Variants in SPIN3 observed in about 807,000 individuals in gnomAD.
The protein encoded by SPIN3 is spindlin-3.
For missense variants in SPIN3, 176 were observed against 196.4 expected, an observed-to-expected ratio of 0.90 and a Z score of 0.62; for synonymous variants, 74 against 74.3, an observed-to-expected ratio of 1.00 and a Z score of 0.02.
rs755344545 is a variant in SPIN3 at position 56,994,807 on chromosome X, C to A, written c.141G>T (p.Gly47=). ...HRSRPTSQPR[G]NIVGCRIQHG... Reference sequence around the variant, plus strand: ...GCTGAATTCTGCAGCCCACGATGTTCCCCCGAGGCTGGGAGGTGGGTCGGC... The same window carrying A: ...GCTGAATTCTGCAGCCCACGATGTTACCCCGAGGCTGGGAGGTGGGTCGGC... Residue 47 remains glycine, a synonymous_variant, in exon 2 of 2, where the codon GGG becomes GGT. Coordinates refer to ENST00000374919, the MANE Select transcript of SPIN3 (RefSeq NM_001010862.3). 8.3e-7 allele frequency: 1 copy of A among 1,211,678 alleles called. No homozygotes were observed. The highest frequency in any genetic ancestry group is 1.8e-5 in the South Asian group (1 of 56,949).
chrX:56,986,548 T>C (rs187239767), downstream of SPIN3, among the ~76,000 whole-genome samples: 9 of 112,084 alleles, frequency 8.0e-5, no homozygotes, highest in Non-Finnish European at 1.5e-4. Context: ...CAGTATCCTG[T>C]GCAGATTAAG....
intron 5 of SPIN3, chrX:56,977,590 G>A (rs1289962785): frequency 8.9e-6 from 1 of 111,993 alleles, no homozygotes; most frequent in Non-Finnish European, 1.9e-5. Flanking sequence ...ATGTGTACAT[G>A]CATGCATAAA....
chrX:56,980,163 C>G (rs1924084097), intron 3 of SPIN3: 1 of 111,476 alleles, frequency 9.0e-6, no homozygotes, highest in African/African-American at 3.3e-5. Flanking sequence ...CCCTATGACC[C>G]AGCAATTCTA....
rs1361249426 is a variant in SPIN3 at position 56,994,981 on chromosome X, C to A, written c.-2-32G>T. The A allele has an allele frequency of 2.7e-6, 3 of 1,131,570 alleles. No individual in the cohort carries two copies. In the African/African-American group the frequency reaches 5.5e-5, roughly 21 times the overall value. The allele number at this position is 1,131,570 out of a possible 1,213,427, so 93.3% of individuals were successfully genotyped here. A position where few individuals can be genotyped will look rare whatever the true frequency, so the allele number is the denominator to read the frequency against. On this transcript the variant is annotated intron_variant, in intron 1 of 1. Transcript: ENST00000374919. ...AGAGGAGCACAGTTGCCAGGTGGACCGAGAAAGGAAATTAACAAAATCAAT... is the reference window on the plus strand; with the variant it reads ...AGAGGAGCACAGTTGCCAGGTGGACAGAGAAAGGAAATTAACAAAATCAAT...
Position 56,994,270 on chromosome X carries a change from G to A in SPIN3, c.678C>T (p.Gly226=). The change falls in exon 2 of 2, where the codon GGC becomes GGT. Residue 226 remains glycine, a synonymous_variant. Coordinates refer to ENST00000374919, the MANE Select transcript of SPIN3 (RefSeq NM_001010862.3). ...TTGCTTCTACCTGATGAATGACCAT[G>A]CCAGTTCTCTTGGAGCCATCGTCTT... ...YAKDDGSKRT[G]MVIHQVEAKP... The A allele has an allele frequency of 8.3e-7, 1 of 1,211,839 alleles. No homozygotes were observed. Among genetic ancestry groups the A allele is most frequent in the Non-Finnish European group, 1.1e-6 (1 of 895,553 alleles).
chrX:56,985,737 G>C lies in SPIN3; in HGVS notation c.226-1259C>G, dbSNP rs775131327. Among the ~76,000 whole-genome samples the C allele has an allele frequency of 4.4e-3, 487 of 111,784 alleles. 2 individuals carry two copies. Among genetic ancestry groups the C allele is most frequent in the Middle Eastern group, 9.2e-3 (2 of 217 alleles). ...TCTTTACAATGCCTTATATTATTTA[G>C]ACCCTTATTTCCTCTCTGACTTCTC... On this transcript the variant is annotated intron_variant and NMD_transcript_variant, in intron 2 of 5. Coordinates refer to the SPIN3 transcript ENST00000475785.
At chrX:56,982,904 C>T (rs1235487056) in intron 3 of SPIN3, 1 of 111,719 alleles carries the variant, frequency 9.0e-6, no homozygotes, top group Non-Finnish European at 1.9e-5. Context: ...AACCAAGAGA[C>T]TTGAAACAAC....
At chrX:56,975,269 A>G (rs903720743), downstream of SPIN3, 1 of 112,146 alleles carries the variant, frequency 8.9e-6, no homozygotes. Context: ...ATTTAAATAC[A>G]TTTAAGATAC....
Position 56,992,371 on chromosome X carries a change from T to A in SPIN3, c.*1800A>T, listed in dbSNP as rs775909715. ...TCCCCAGCCACTAGAACAGTTTTTT[T>A]AAGCAAATATATGACCCCAGGACTT... On this transcript the variant is annotated 3_prime_UTR_variant, in exon 2 of 2. Coordinates refer to ENST00000374919, the MANE Select transcript of SPIN3 (RefSeq NM_001010862.3). 14 of 295,653 alleles carry A rather than the reference T, an allele frequency of 4.7e-5. No individual in the cohort carries two copies. Among genetic ancestry groups the A allele is most frequent in the African/African-American group, 3.6e-4 (13 of 36,481 alleles). 24.4% of individuals were successfully genotyped at this position (295,653 alleles called of 1,213,427 possible).
intron 2 of SPIN3, among the ~76,000 whole-genome samples, chrX:56,984,845 C>A (rs966589124): frequency 2.7e-5 from 3 of 111,429 alleles, no homozygotes; most frequent in African/African-American, 9.8e-5. Context: ...CTCATATATC[C>A]AATAACTGTT....
rs1924444061 is a variant in SPIN3 at position 56,994,728 on chromosome X, C to T, written c.220G>A (p.Asp74Asn). ...AGAGAGGGATTTACAGGTACCTGAT[C>T]CAGAACGGTTCCTTTCCACTGTGTT... ...PLTQWKGTVL[D>N]QVPVNPSLYL... The change falls in exon 2 of 2, where the codon GAT becomes AAT. Residue 74 changes from aspartate to asparagine, a missense_variant. Asp to Asn is a conservative substitution (Grantham distance 23). Transcript: ENST00000374919. 8.3e-7 allele frequency: 1 copy of T among 1,210,019 alleles called. No homozygotes were observed. The highest frequency in any genetic ancestry group is 2.2e-5 in the Admixed American group (1 of 45,794).
downstream of SPIN3, among the ~76,000 whole-genome samples, chrX:56,988,510 C>T (rs1255985314): frequency 9.0e-6 from 1 of 111,278 alleles, no homozygotes; most frequent in Admixed American, 9.6e-5. Context: ...GCCCCAGGTC[C>T]CTTCCCAAGA....
chrX:56,989,320 A>G (rs1924284008), downstream of SPIN3, among the ~76,000 whole-genome samples: 1 of 111,412 alleles, frequency 9.0e-6, no homozygotes, highest in African/African-American at 3.3e-5. Context: ...AATTTATCAC[A>G]CCTACATGTG....
At chrX:56,984,336 G>C in exon 3 of SPIN3, 1 of 287,991 alleles carries the variant, frequency 3.5e-6, no homozygotes, top group Non-Finnish European at 6.6e-6. Flanking sequence ...AAACCATATT[G>C]TCCCTCAAAA....
In SPIN3 at chrX:56,992,510, A is replaced by T. The variant is rs1036488955; in HGVS notation, c.*1661T>A. 1.0e-5 allele frequency: 3 copies of T among 295,602 alleles called. No homozygotes were observed. Among genetic ancestry groups the T allele is most frequent in the Non-Finnish European group, 1.8e-5 (3 of 170,072 alleles). 24.4% of individuals were successfully genotyped at this position (295,602 alleles called of 1,213,427 possible). A position where few individuals can be genotyped will look rare whatever the true frequency, so the allele number is the denominator to read the frequency against. On this transcript the variant is annotated 3_prime_UTR_variant, in exon 2 of 2. Transcript: ENST00000374919. ...GATAAAACATAGGAGAAAAGAGAAC[A>T]TCTTCTTTGTTTCATCCTCAGCAGG... is the stretch of plus-strand genomic sequence containing the variant.
downstream of SPIN3, among the ~76,000 whole-genome samples, chrX:56,989,787 G>C (rs1036824057): frequency 9.0e-6 from 1 of 111,599 alleles, no homozygotes; most frequent in Non-Finnish European, 1.9e-5. Flanking sequence ...ATCTGTTGCT[G>C]TCTCCCACCA....
At chrX:56,979,495 G>C (rs1377065712) in intron 3 of SPIN3, 1 of 112,170 alleles carries the variant, frequency 8.9e-6, no homozygotes, top group African/African-American at 3.2e-5. Flanking sequence ...AAAACAACCA[G>C]TATTCCAAGT....
intron 3 of SPIN3, among the ~76,000 whole-genome samples, chrX:56,980,809 A>G (rs777811903): frequency 9.0e-6 from 1 of 111,040 alleles, no homozygotes; most frequent in South Asian, 3.9e-4. Context: ...TGTCCTTACC[A>G]CCAGTCCTTG....
In SPIN3 at chrX:56,992,196, GACT is replaced by G; in HGVS notation, c.*1972_*1974del. The G allele has an allele frequency of 3.4e-6, 1 of 297,433 alleles. No individual in the cohort carries two copies. Among genetic ancestry groups the G allele is most frequent in the Non-Finnish European group, 5.9e-6 (1 of 170,371 alleles). The allele number at this position is 297,433 out of a possible 1,213,427, so 24.5% of individuals were successfully genotyped here. ...CTGCAGCCTTGGCTGTCTTCCTCTT[GACT>G]GGGTGAAGTTCCTTCAGGACCTCAG... On this transcript the variant is annotated 3_prime_UTR_variant, in exon 2 of 2. Transcript: ENST00000374919.
Sources: gnomAD v4.1 joint callset for allele counts (sites outside exome capture counted in the v4.1 genomes callset) on GRCh38, gnomAD v4.1.1 for gene constraint, MANE v1.5 for transcripts, NCBI Gene and HGNC (gene_info 2026-07-23, HGNC 2026-07-21) for gene names.